Variants in LTBP1 observed in about 807,000 individuals in gnomAD.
LTBP1 encodes the protein latent-transforming growth factor beta-binding protein 1.
A neutral mutation model predicts 207.6 loss-of-function variants in LTBP1; 129 were observed. The observed-to-expected ratio is 0.62, with a 90% CI of 0.54 to 0.72. The LOEUF is 0.72. LTBP1 is among the 30% of genes least tolerant of loss of function. LTBP1 has a pLI of 0.00. For missense variants in LTBP1, 2,281 were observed against 2,217.2 expected, an observed-to-expected ratio of 1.03 and a Z score of -0.58; for synonymous variants, 963 against 833.7, an observed-to-expected ratio of 1.16 and a Z score of -2.67.
rs1190144025 is a variant in LTBP1 at position 32,947,663 on chromosome 2, C to A, written c.339C>A (p.Val113=). Residue 113 remains valine (V), a synonymous_variant, in exon 1 of 34, where the codon GTC becomes GTA. Coordinates refer to ENST00000404816, the MANE Select transcript of LTBP1 (RefSeq NM_206943.4). The part of the protein sequence containing the change: ...PPPPEPARPA[V]PGGQLHPNPG... ...CGCCGGAGCCTGCGCGTCCCGCGGT[C>A]CCCGGCGGGCAGCTCCACCCCAATC... The A allele has an allele frequency of 1.4e-6, 2 of 1,430,434 alleles. No individual in the cohort carries two copies. The highest frequency in any genetic ancestry group is 2.9e-5 in the South Asian group (2 of 68,888). The allele number at this position is 1,430,434 out of a possible 1,614,324, so 88.6% of individuals were successfully genotyped here.
chr2:33,139,079 C>T (rs1318729085), intron 5 of LTBP1, among the ~76,000 whole-genome samples: 2 of 151,580 alleles, frequency 1.3e-5, no homozygotes, highest in East Asian at 3.9e-4. Flanking sequence ...AGGATGGTCT[C>T]CATCTCCTGA....
chr2:33,170,633 G>T (rs1362842457), intron 5 of LTBP1, among the ~76,000 whole-genome samples: 2 of 152,174 alleles, frequency 1.3e-5, no homozygotes, highest in African/African-American at 4.8e-5. Context: ...AAATGTCCCT[G>T]TCTGACAGCT....
intron 3 of LTBP1, among the ~76,000 whole-genome samples, chr2:33,060,991 A>C: frequency 6.6e-6 from 1 of 152,306 alleles, no homozygotes; most frequent in African/African-American, 2.4e-5. Context: ...TCATAGACCA[A>C]TAACAAGGAT....
chr2:33,209,026 C>T (rs1315538440), intron 7 of LTBP1, among the ~76,000 whole-genome samples: 2 of 152,022 alleles, frequency 1.3e-5, no homozygotes, highest in Admixed American at 1.3e-4. Context: ...CGCCACCAAG[C>T]TTGGCTATTT....
chr2:33,028,154 C>A (rs1231152765), intron 3 of LTBP1, among the ~76,000 whole-genome samples: 5 of 152,138 alleles, frequency 3.3e-5, no homozygotes, highest in African/African-American at 1.2e-4. Context: ...TTGGGGAGGT[C>A]ACTGCCTCAC....
intron 26 of LTBP1, among the ~76,000 whole-genome samples, chr2:33,356,389 A>G (rs2094860215): frequency 6.6e-6 from 1 of 152,188 alleles, no homozygotes; most frequent in African/African-American, 2.4e-5. Flanking sequence ...CTTTAAGATC[A>G]GAAATGTCTG....
intron 7 of LTBP1, among the ~76,000 whole-genome samples, chr2:33,205,635 A>G (rs2089800339): frequency 6.6e-6 from 1 of 152,080 alleles, no homozygotes; most frequent in African/African-American, 2.4e-5. Flanking sequence ...AAAGGACCAC[A>G]CTCATTCCCT....
At chr2:33,168,005 C>T (rs192566550) in intron 5 of LTBP1, among the ~76,000 whole-genome samples, 5 of 152,180 alleles carry the variant, frequency 3.3e-5, no homozygotes, top group African/African-American at 7.2e-5. Context: ...TTTTTGCTAC[C>T]ATCGAAGTTT....
At chr2:33,206,236 A>G (rs374139300) in intron 7 of LTBP1, among the ~76,000 whole-genome samples, 4 of 152,202 alleles carry the variant, frequency 2.6e-5, no homozygotes, top group African/African-American at 9.6e-5. Context: ...CAGTTTTTCT[A>G]CATGACTTGC....
intron 31 of LTBP1, among the ~76,000 whole-genome samples, chr2:33,388,198 G>C (rs2150552668): frequency 6.6e-6 from 1 of 152,280 alleles, no homozygotes; most frequent in East Asian, 1.9e-4. Context: ...CTGTGCACTG[G>C]TGGGTCCTTG....
At chr2:33,268,961 G>T (rs1235413233) in intron 15 of LTBP1, among the ~76,000 whole-genome samples, 1 of 152,110 alleles carries the variant, frequency 6.6e-6, no homozygotes, top group Non-Finnish European at 1.5e-5. Flanking sequence ...ATCTTTTCCA[G>T]AACTCAGAAA....
At chr2:33,029,021 G>C (rs566711792) in intron 3 of LTBP1, among the ~76,000 whole-genome samples, 2 of 152,300 alleles carry the variant, frequency 1.3e-5, no homozygotes, top group South Asian at 4.2e-4. Flanking sequence ...AGTGCTGGTA[G>C]AAAGCAAACA....
In LTBP1 at chr2:33,037,846, T is replaced by C. The variant is rs116442996; in HGVS notation, c.863+16640T>C. On this transcript the variant is annotated intron_variant, in intron 3 of 33. Transcript: ENST00000404816. Reference sequence around the variant, plus strand: ...AATTCTCCCACCTCAGCCACCCAAGTAACTGGAGTTACAGGTGTGTGCCAC... The same window carrying C: ...AATTCTCCCACCTCAGCCACCCAAGCAACTGGAGTTACAGGTGTGTGCCAC... Among the ~76,000 whole-genome samples the C allele has an allele frequency of 3.9e-3, 590 of 152,324 alleles. 4 individuals carry two copies. The highest frequency in any genetic ancestry group is 0.014 in the African/African-American group (568 of 41,584).
intron 4 of LTBP1, among the ~76,000 whole-genome samples, chr2:33,124,401 C>G (rs915389250): frequency 6.6e-6 from 1 of 151,562 alleles, no homozygotes; most frequent in Non-Finnish European, 1.5e-5. Context: ...TAGAACAAGA[C>G]TCCGTCTCAA....
intron 3 of LTBP1, among the ~76,000 whole-genome samples, chr2:33,072,956 G>A (rs866414545): frequency 2.0e-5 from 3 of 152,218 alleles, no homozygotes; most frequent in Admixed American, 1.3e-4. Context: ...GTAGAAGTCT[G>A]GAGATATTTG....
intron 3 of LTBP1, among the ~76,000 whole-genome samples, chr2:33,030,531 T>G (rs1369494797): frequency 1.3e-5 from 2 of 152,206 alleles, no homozygotes; most frequent in African/African-American, 4.8e-5. Flanking sequence ...TTTAACGTCT[T>G]GAAAGGTGAA....
intron 22 of LTBP1, among the ~76,000 whole-genome samples, chr2:33,307,518 G>C (rs2094117444): frequency 6.6e-6 from 1 of 152,184 alleles, no homozygotes; most frequent in African/African-American, 2.4e-5. Flanking sequence ...ATTATGCCGA[G>C]AGGAAGAAGC....
intron 5 of LTBP1, among the ~76,000 whole-genome samples, chr2:33,143,276 C>T (rs910228939): frequency 6.6e-6 from 1 of 152,214 alleles, no homozygotes; most frequent in African/African-American, 2.4e-5. Context: ...TCTTCCACTA[C>T]ACTCTAAACT....
At chr2:32,960,414 TG>T (rs1678905493) in intron 2 of LTBP1, among the ~76,000 whole-genome samples, 6 of 152,042 alleles carry the variant, frequency 3.9e-5, no homozygotes, top group Admixed American at 1.3e-4. Flanking sequence ...AATGAATGAA[TG>T]AATGAATGAA....
Sources: gnomAD v4.1 joint callset for allele counts (sites outside exome capture counted in the v4.1 genomes callset) on GRCh38, gnomAD v4.1.1 for gene constraint, MANE v1.5 for transcripts, NCBI Gene and HGNC (gene_info 2026-07-23, HGNC 2026-07-21) for gene names.